TTC39C: variants seen among roughly 807,000 people sequenced by gnomAD.
The protein encoded by TTC39C is tetratricopeptide repeat domain 39C.
A neutral mutation model predicts 76.3 loss-of-function variants in TTC39C; 33 were observed. The observed-to-expected ratio is 0.43, with a 90% CI of 0.33 to 0.58. TTC39C has a LOEUF of 0.58. Among genes scored for constraint, TTC39C ranks in the 20% least tolerant of loss-of-function variants. The pLI is 0.04. For synonymous variants in TTC39C, 254 were observed against 260.6 expected (o/e 0.97, Z 0.24); for missense variants, 595 against 701.4 (o/e 0.85, Z 1.71).
chr18:24,124,896 T>G (rs891986200), intron 9 of TTC39C, among the ~76,000 whole-genome samples: 3 of 152,144 alleles, frequency 2.0e-5, no homozygotes, highest in African/African-American at 4.8e-5. Flanking sequence ...GCGTCTTTTT[T>G]TGTTTTTGTT....
chr18:24,131,336 T>C (rs550558216), intron 12 of TTC39C, among the ~76,000 whole-genome samples: 7 of 152,264 alleles, frequency 4.6e-5, no homozygotes, highest in Admixed American at 2.6e-4. Flanking sequence ...AGAGGTTGCC[T>C]TTTATAGACT....
intron 1 of TTC39C, among the ~76,000 whole-genome samples, chr18:24,001,950 C>G (rs1425043660): frequency 6.6e-6 from 1 of 151,750 alleles, no homozygotes; most frequent in Non-Finnish European, 1.5e-5. Flanking sequence ...CTCAGCCTCC[C>G]GAGTAGCTGG....
intron 1 of TTC39C, among the ~76,000 whole-genome samples, chr18:24,058,091 A>G (rs113907526): frequency 6.6e-6 from 1 of 152,234 alleles, no homozygotes; most frequent in Non-Finnish European, 1.5e-5. Flanking sequence ...GTCCTCACTT[A>G]TAAGTGGGAG....
chr18:24,097,108 G>C (rs546564202), intron 6 of TTC39C, among the ~76,000 whole-genome samples: 1 of 152,230 alleles, frequency 6.6e-6, no homozygotes, highest in Non-Finnish European at 1.5e-5. Context: ...CATTGTCACA[G>C]TGGAGGACTC....
intron 1 of TTC39C, among the ~76,000 whole-genome samples, chr18:24,036,598 A>G (rs2083735806): frequency 6.6e-6 from 1 of 152,128 alleles, no homozygotes; most frequent in Admixed American, 6.6e-5. Flanking sequence ...TCTTTTAACC[A>G]TTCCTTGTAG....
chr18:24,030,940 C>G (rs1485538290), intron 1 of TTC39C, among the ~76,000 whole-genome samples: 2 of 151,154 alleles, frequency 1.3e-5, no homozygotes, highest in African/African-American at 4.9e-5. Context: ...GCCACTGCAC[C>G]CGGCTTTTTG....
chr18:24,123,478 C>T (rs370429391), intron 8 of TTC39C: 1 of 177,948 alleles, frequency 5.6e-6, no homozygotes, highest in East Asian at 1.7e-4. Flanking sequence ...GCGATCTCGG[C>T]TCATTGCAAC....
chr18:24,100,031 T>G (rs2084657481), intron 6 of TTC39C, among the ~76,000 whole-genome samples: 1 of 152,180 alleles, frequency 6.6e-6, no homozygotes, highest in African/African-American at 2.4e-5. Flanking sequence ...AATCAACTCA[T>G]TTTAAAATTT....
intron 1 of TTC39C, among the ~76,000 whole-genome samples, chr18:24,035,440 C>T (rs1429058522): frequency 1.3e-5 from 2 of 152,214 alleles, no homozygotes; most frequent in African/African-American, 4.8e-5. Flanking sequence ...TTTCCACATC[C>T]TTGCCAACAG....
At chr18:24,014,742 C>T (rs1599234020), upstream of TTC39C, 1 of 1,076,918 alleles carries the variant, frequency 9.3e-7, no homozygotes, top group Non-Finnish European at 1.1e-6. Context: ...CTCCCGTCTT[C>T]TCCCCTCCCC....
intron 1 of TTC39C, among the ~76,000 whole-genome samples, chr18:24,035,321 AGCCACTGT>A (rs778446930): frequency 4.6e-5 from 7 of 152,180 alleles, no homozygotes; most frequent in Non-Finnish European, 8.8e-5. Flanking sequence ...TACAAATGTG[AGCCACTGT>A]GCCCAGCCCT....
chr18:24,006,127 C>A (rs1281953322), intron 1 of TTC39C, among the ~76,000 whole-genome samples: 1 of 151,896 alleles, frequency 6.6e-6, no homozygotes, highest in Non-Finnish European at 1.5e-5. Context: ...ATCCTCCCAC[C>A]TTAGTCTCCC....
chr18:24,015,027 CA>C lies in TTC39C; in HGVS notation c.159del (p.Lys53AsnfsTer9). Reference sequence around the variant, plus strand: ...GCTTCAGGGAGTCGGACCAGCTTTTCAAACAATACAGGTGACCCACGCGTCC... The same window carrying C: ...GCTTCAGGGAGTCGGACCAGCTTTTCAACAATACAGGTGACCCACGCGTCC... ...NGFRESDQLF[K>X]QYRNHSPLMS... is the part of the protein sequence containing the mutation. On this transcript the variant is annotated frameshift_variant, in exon 1 of 14. Coordinates refer to ENST00000317571, the MANE Select transcript of TTC39C (RefSeq NM_001135993.2). LOFTEE classifies it high-confidence loss of function. The C allele has an allele frequency of 6.8e-7, 1 of 1,480,242 alleles. No individual in the cohort carries two copies. The highest frequency in any genetic ancestry group is 9.0e-7 in the Non-Finnish European group (1 of 1,112,708). 91.7% of individuals were successfully genotyped at this position (1,480,242 alleles called of 1,614,324 possible).
chr18:24,045,001 G>T (rs1190324596), intron 1 of TTC39C, among the ~76,000 whole-genome samples: 8 of 152,092 alleles, frequency 5.3e-5, no homozygotes, highest in Non-Finnish European at 5.9e-5. Flanking sequence ...AGGTGCGGTG[G>T]CTCACACCTG....
At chr18:24,129,632 G>T (rs2085096769) in intron 11 of TTC39C, among the ~76,000 whole-genome samples, 1 of 151,946 alleles carries the variant, frequency 6.6e-6, no homozygotes, top group Non-Finnish European at 1.5e-5. Context: ...AAATTAGCCA[G>T]GTGTGGTGGC....
intron 1 of TTC39C, chr18:24,022,650 C>A (rs1329597812): frequency 2.0e-6 from 2 of 985,272 alleles, no homozygotes; most frequent in East Asian, 2.3e-4. Context: ...TCCATCAAAC[C>A]CCCAGAGAGA....
chr18:24,020,448 T>A (rs759790945), intron 1 of TTC39C: 16 of 406,068 alleles, frequency 3.9e-5, no homozygotes, highest in Admixed American at 6.4e-5. Context: ...GCGAAAGATG[T>A]GAGCCTTTAA....
chr18:24,092,717 G>A (rs967333060), intron 6 of TTC39C, among the ~76,000 whole-genome samples: 6 of 152,214 alleles, frequency 3.9e-5, no homozygotes, highest in Non-Finnish European at 1.5e-5. Context: ...GCTTGCTTCA[G>A]TGTGGAGGTA....
intron 1 of TTC39C, among the ~76,000 whole-genome samples, chr18:24,030,677 A>C (rs1393783312): frequency 1.1e-5 from 1 of 92,940 alleles, no homozygotes; most frequent in Non-Finnish European, 2.0e-5. Context: ...TTTGAGATGG[A>C]ATCTCGCTCT....
Sources: gnomAD v4.1 joint callset for allele counts (sites outside exome capture counted in the v4.1 genomes callset) on GRCh38, gnomAD v4.1.1 for gene constraint, MANE v1.5 for transcripts, NCBI Gene and HGNC (gene_info 2026-07-23, HGNC 2026-07-21) for gene names.